RNF146: variants seen among roughly 807,000 people sequenced by gnomAD.
The protein encoded by RNF146 is E3 ubiquitin-protein ligase RNF146.
RNF146 carries 11 observed loss-of-function variants against 29.7 expected under a neutral mutation model. The observed-to-expected ratio is 0.37, with a 90% CI of 0.23 to 0.61. RNF146 has a LOEUF of 0.61. RNF146 is among the 20% of genes least tolerant of loss of function. The probability of loss-of-function intolerance (pLI) is 0.66; values close to 1 mark genes in which losing one functional copy is unlikely to be tolerated. For synonymous variants in RNF146, 150 were observed against 159.7 expected, an observed-to-expected ratio of 0.94 and a Z score of 0.46; for missense variants, 342 against 438.9, an observed-to-expected ratio of 0.78 and a Z score of 1.97.
At chr6:127,279,369 G>C (rs1778653562) in intron 1 of RNF146, among the ~76,000 whole-genome samples, 1 of 151,826 alleles carries the variant, frequency 6.6e-6, no homozygotes, top group Non-Finnish European at 1.5e-5. Flanking sequence ...ACATTAGTTA[G>C]AGGTGCCTGT....
chr6:127,278,883 A>G (rs777602712), intron 1 of RNF146, among the ~76,000 whole-genome samples: 8 of 151,916 alleles, frequency 5.3e-5, no homozygotes, highest in Admixed American at 6.6e-5. Context: ...ACATTTCCCT[A>G]ATTACTAATA....
chr6:127,277,288 G>C (rs1027747880), intron 1 of RNF146, among the ~76,000 whole-genome samples: 2 of 151,970 alleles, frequency 1.3e-5, no homozygotes, highest in African/African-American at 2.4e-5. Context: ...TCTGTTTGGC[G>C]TAGGCTGCAG....
intron 1 of RNF146, among the ~76,000 whole-genome samples, chr6:127,278,310 C>G (rs765605292): frequency 1.0e-4 from 15 of 145,220 alleles, no homozygotes; most frequent in Non-Finnish European, 2.2e-4. Context: ...AGATTTTCCA[C>G]AACTTTTTTT....
Position 127,286,530 on chromosome 6 carries a change from T to C in RNF146, c.3-86T>C. On this transcript the variant is annotated intron_variant, in intron 2 of 2. Coordinates refer to ENST00000368314, the MANE Select transcript of RNF146 (RefSeq NM_001242850.2). The surrounding 1 kb of genome is among the most constrained non-coding windows in gnomAD (Gnocchi z 4.6). ...TGTGGCTTGCATATAATGCACATCA[T>C]AGGTGGTTAGTGTTTTCATAATTGT... 1 of 1,185,778 alleles carries C rather than the reference T, an allele frequency of 8.4e-7. No homozygotes were observed. Among genetic ancestry groups the C allele is most frequent in the South Asian group, 1.5e-5 (1 of 64,806 alleles). 73.5% of individuals were successfully genotyped at this position (1,185,778 alleles called of 1,614,324 possible).
chr6:127,280,446 A>G lies in RNF146; in HGVS notation c.2+106A>G, dbSNP rs927770417. 41 of 1,386,176 alleles carry G rather than the reference A, an allele frequency of 3.0e-5. No individual in the cohort carries two copies. The African/African-American group carries it at 5.7e-4, about 19-fold the overall frequency. The allele number at this position is 1,386,176 out of a possible 1,614,324, so 85.9% of individuals were successfully genotyped here. On this transcript the variant is annotated intron_variant, in intron 2 of 2. Transcript: ENST00000368314. ...TCATATGTAGTTTTAATTATATTAA[A>G]TGAGCATTTTCTTTTGACTTATAGG...
intron 1 of RNF146, among the ~76,000 whole-genome samples, chr6:127,268,367 T>C (rs1449845441): frequency 6.6e-6 from 1 of 152,200 alleles, no homozygotes; most frequent in African/African-American, 2.4e-5. Flanking sequence ...GTGGAGAAAA[T>C]GTCCCACACA....
At chr6:127,277,657 G>A (rs567561477) in intron 1 of RNF146, among the ~76,000 whole-genome samples, 8 of 152,124 alleles carry the variant, frequency 5.3e-5, no homozygotes, top group Middle Eastern at 6.8e-3. Flanking sequence ...TGTAGGCTGG[G>A]AGGCTAGGCC....
At chr6:127,279,126 CTT>C (rs1032185072) in intron 1 of RNF146, among the ~76,000 whole-genome samples, 1 of 151,822 alleles carries the variant, frequency 6.6e-6, no homozygotes, top group Non-Finnish European at 1.5e-5. Context: ...AAATTTTAAA[CTT>C]ATATAAAGCC....
intron 1 of RNF146, among the ~76,000 whole-genome samples, chr6:127,267,920 G>A (rs1027504980): frequency 1.3e-5 from 2 of 152,198 alleles, no homozygotes; most frequent in Non-Finnish European, 2.9e-5. Flanking sequence ...TGTTTTAAGA[G>A]TGGAGACGGA....
At chr6:127,277,615 G>A (rs917215827) in intron 1 of RNF146, among the ~76,000 whole-genome samples, 11 of 152,006 alleles carry the variant, frequency 7.2e-5, no homozygotes, top group African/African-American at 2.4e-4. Context: ...TCTGATGTTC[G>A]AGGGCAGGAA....
chr6:127,285,918 A>AT (rs1438186065), intron 2 of RNF146: 1 of 538,766 alleles, frequency 1.9e-6, no homozygotes, highest in African/African-American at 2.0e-5. Context: ...AGTACTTAGT[A>AT]TTGTATCTGG....
chr6:127,276,669 G>A (rs1778252526), intron 1 of RNF146, among the ~76,000 whole-genome samples: 1 of 152,036 alleles, frequency 6.6e-6, no homozygotes, highest in Non-Finnish European at 1.5e-5. Flanking sequence ...GCAGGTGTGG[G>A]AATGAGTAGG....
At chr6:127,276,801 C>T (rs1562283289) in intron 1 of RNF146, among the ~76,000 whole-genome samples, 1 of 152,004 alleles carries the variant, frequency 6.6e-6, no homozygotes, top group East Asian at 1.9e-4. Context: ...AGATTAATTT[C>T]TTCAAATTTA....
At chr6:127,270,183 A>G (rs1182596166) in intron 1 of RNF146, among the ~76,000 whole-genome samples, 1 of 152,102 alleles carries the variant, frequency 6.6e-6, no homozygotes, top group East Asian at 1.9e-4. Context: ...TTTTAGTTGT[A>G]TTTATTTTTC....
chr6:127,274,177 T>G (rs1024300917), intron 1 of RNF146, among the ~76,000 whole-genome samples: 1 of 152,168 alleles, frequency 6.6e-6, no homozygotes, highest in African/African-American at 2.4e-5. Flanking sequence ...ACCAGATTTT[T>G]TTTTAGTACC....
In RNF146 at chr6:127,287,920, GT is replaced by G. The variant is rs1393601690; in HGVS notation, c.*231del. 3 of 381,440 alleles carry G rather than the reference GT, an allele frequency of 7.9e-6. No individual in the cohort carries two copies. Among genetic ancestry groups the G allele is most frequent in the Non-Finnish European group, 1.5e-5 (3 of 202,616 alleles). The allele number at this position is 381,440 out of a possible 1,614,324, so 23.6% of individuals were successfully genotyped here. ...TTGAGAGCTGTTTAGTAATAACCCA[GT>G]TTTCTTGAGGTCTGTTTACTTTATA... On this transcript the variant is annotated 3_prime_UTR_variant, in exon 3 of 3. Coordinates refer to ENST00000368314, the MANE Select transcript of RNF146 (RefSeq NM_001242850.2).
intron 1 of RNF146, among the ~76,000 whole-genome samples, chr6:127,275,870 T>G (rs1298430871): frequency 2.0e-5 from 3 of 152,074 alleles, no homozygotes; most frequent in African/African-American, 4.8e-5. Flanking sequence ...TATGGGTGGT[T>G]GTTGAAGATA....
In RNF146 at chr6:127,287,407, AAGG is replaced by A. The variant is rs1779667136; in HGVS notation, c.797_799del (p.Gly266del). 5.6e-6 allele frequency: 9 copies of A among 1,613,390 alleles called. No homozygotes were observed. Among genetic ancestry groups the A allele is most frequent in the Non-Finnish European group, 5.9e-6 (7 of 1,179,628 alleles). On this transcript the variant is annotated inframe_deletion, in exon 3 of 3. Coordinates refer to ENST00000368314, the MANE Select transcript of RNF146 (RefSeq NM_001242850.2). ...ACAGCTGAAAGGAGTCATAGGGGAG[AAGG>A]AGAAGAAGATCATGAATCACCATCT...
intron 1 of RNF146, among the ~76,000 whole-genome samples, chr6:127,268,078 T>G (rs1306205401): frequency 6.6e-6 from 1 of 152,190 alleles, no homozygotes; most frequent in Non-Finnish European, 1.5e-5. Flanking sequence ...TTCTCAAGTT[T>G]TGAACATTTT....
Sources: gnomAD v4.1 joint callset for allele counts (sites outside exome capture counted in the v4.1 genomes callset) on GRCh38, gnomAD v4.1.1 for gene constraint, Gnocchi (gnomAD v3.1) non-coding constraint, MANE v1.5 for transcripts, NCBI Gene and HGNC (gene_info 2026-07-23, HGNC 2026-07-21) for gene names.